Variants in ZNF385D observed in about 807,000 individuals in gnomAD.
ZNF385D encodes zinc finger protein 385D.
A neutral mutation model predicts 35.8 loss-of-function variants in ZNF385D; 15 were observed. That is an observed-to-expected ratio of 0.42 (90% CI 0.28 to 0.64). The LOEUF is 0.64. ZNF385D is among the 30% of genes least tolerant of loss of function. The pLI is 0.23. For synonymous variants in ZNF385D, 212 were observed against 186.8 expected, an observed-to-expected ratio of 1.13 and a Z score of -1.10; for missense variants, 474 against 494.6, an observed-to-expected ratio of 0.96 and a Z score of 0.39.
intron 3 of ZNF385D, among the ~76,000 whole-genome samples, chr3:22,095,712 A>T (rs896306574): frequency 6.6e-6 from 1 of 152,054 alleles, no homozygotes; most frequent in African/African-American, 2.4e-5. Context: ...TTTTAAAATA[A>T]AAGTATTCTT....
rs1360720100 is a variant in ZNF385D, at chr3:21,946,653, G to GA, written c.325+222163dup. On this transcript the variant is annotated intron_variant, in intron 3 of 5. Transcript: ENST00000494108. ...TGGAGACCAGCCTGGCTAACAAGGT[G>GA]AAACTCCGTCTCTATTAAAACTACA... Among the ~76,000 whole-genome samples, 6 of 152,032 alleles carry GA rather than the reference G, an allele frequency of 3.9e-5. 1 individual carries two copies. Among genetic ancestry groups the GA allele is most frequent in the African/African-American group, 1.4e-4 (6 of 41,382 alleles).
intron 1 of ZNF385D, among the ~76,000 whole-genome samples, chr3:21,680,478 C>T (rs2066863644): frequency 6.6e-6 from 1 of 152,082 alleles, no homozygotes. Context: ...AATAAAAAGA[C>T]ATTGGTAGAC....
intron 3 of ZNF385D, among the ~76,000 whole-genome samples, chr3:21,975,107 T>C (rs1038013323): frequency 6.6e-6 from 1 of 152,192 alleles, no homozygotes; most frequent in African/African-American, 2.4e-5. Context: ...ATTGAAGAGA[T>C]ATCTGCACTT....
At chr3:22,010,256 T>G (rs1443240138) in intron 3 of ZNF385D, among the ~76,000 whole-genome samples, 3 of 152,204 alleles carry the variant, frequency 2.0e-5, no homozygotes, top group Non-Finnish European at 4.4e-5. Context: ...AGGAGCCATT[T>G]TAGTACTTGT....
At chr3:22,293,082 T>C (rs1702385346) in intron 2 of ZNF385D, among the ~76,000 whole-genome samples, 1 of 152,134 alleles carries the variant, frequency 6.6e-6, no homozygotes, top group Admixed American at 6.6e-5. Context: ...ATGCTGAACA[T>C]TACTGTCTTA....
intron 2 of ZNF385D, among the ~76,000 whole-genome samples, chr3:22,231,363 A>AG (rs1698878461): frequency 6.6e-6 from 1 of 152,018 alleles, no homozygotes. Flanking sequence ...AGTGAGAGAG[A>AG]GAAAAAAAAA....
chr3:21,944,421 C>T (rs1426669760), intron 3 of ZNF385D, among the ~76,000 whole-genome samples: 6 of 152,228 alleles, frequency 3.9e-5, no homozygotes, highest in East Asian at 3.9e-4. Context: ...CAACTTTGTC[C>T]GAGCACCAAT....
At chr3:22,004,649 C>A (rs1696083820) in intron 3 of ZNF385D, among the ~76,000 whole-genome samples, 1 of 152,128 alleles carries the variant, frequency 6.6e-6, no homozygotes, top group African/African-American at 2.4e-5. Context: ...ACCTCCCTCA[C>A]AAGGAATTTC....
At chr3:22,298,312 G>A (rs1057065252) in intron 2 of ZNF385D, among the ~76,000 whole-genome samples, 1 of 150,686 alleles carries the variant, frequency 6.6e-6, no homozygotes, top group African/African-American at 2.4e-5. Flanking sequence ...AAAACAAAGT[G>A]AGGATGGGAG....
intron 2 of ZNF385D, among the ~76,000 whole-genome samples, chr3:22,184,412 C>T (rs766628226): frequency 1.3e-5 from 2 of 152,146 alleles, no homozygotes; most frequent in African/African-American, 2.4e-5. Flanking sequence ...ATTTTCCTCT[C>T]ATTGTGGCAG....
chr3:21,582,605 A>C (rs533248763), intron 2 of ZNF385D, among the ~76,000 whole-genome samples: 2 of 152,212 alleles, frequency 1.3e-5, no homozygotes, highest in Admixed American at 6.6e-5. Context: ...AGTTGTGGAG[A>C]TAAAGGAAGG....
chr3:21,982,360 C>A (rs939740626), intron 3 of ZNF385D, among the ~76,000 whole-genome samples: 1 of 151,910 alleles, frequency 6.6e-6, no homozygotes, highest in Admixed American at 6.6e-5. Context: ...AGTAGAATCG[C>A]CTTTCTGATT....
chr3:22,253,171 A>C (rs1488974003), intron 2 of ZNF385D, among the ~76,000 whole-genome samples: 1 of 152,024 alleles, frequency 6.6e-6, no homozygotes, highest in Admixed American at 6.6e-5. Context: ...ACACCAAACG[A>C]AATCACATTG....
intron 1 of ZNF385D, among the ~76,000 whole-genome samples, chr3:21,726,480 T>A (rs1373295715): frequency 1.3e-5 from 2 of 152,116 alleles, no homozygotes; most frequent in Non-Finnish European, 2.9e-5. Context: ...TTCAGCAAAA[T>A]CTCAGGATAC....
chr3:21,971,891 G>T (rs1703283292), intron 3 of ZNF385D, among the ~76,000 whole-genome samples: 1 of 151,754 alleles, frequency 6.6e-6, no homozygotes, highest in Admixed American at 6.6e-5. Flanking sequence ...ATGATAAAGG[G>T]ATGAATAAGG....
At chr3:22,194,074 C>T (rs923256546) in intron 2 of ZNF385D, among the ~76,000 whole-genome samples, 1 of 151,848 alleles carries the variant, frequency 6.6e-6, no homozygotes, top group African/African-American at 2.4e-5. Flanking sequence ...CTTTATGCAA[C>T]TTATACTACC....
At chr3:21,547,079 C>G (rs768746066) in intron 3 of ZNF385D, among the ~76,000 whole-genome samples, 4 of 152,090 alleles carry the variant, frequency 2.6e-5, no homozygotes, top group African/African-American at 9.7e-5. Context: ...AACCCTGGGA[C>G]TCCTTTGAAA....
At chr3:22,321,490 C>G (rs547438745) in intron 2 of ZNF385D, among the ~76,000 whole-genome samples, 1 of 151,972 alleles carries the variant, frequency 6.6e-6, no homozygotes, top group Non-Finnish European at 1.5e-5. Flanking sequence ...CTCAGCCTCT[C>G]GAGTAGCTGG....
intron 4 of ZNF385D, among the ~76,000 whole-genome samples, chr3:21,505,818 T>C (rs929515095): frequency 2.0e-5 from 3 of 152,188 alleles, no homozygotes; most frequent in Non-Finnish European, 4.4e-5. Flanking sequence ...ATGGGTCATA[T>C]GTAACATGAA....
Sources: allele counts gnomAD v4.1 joint callset (sites outside exome capture counted in the v4.1 genomes callset), GRCh38; gene constraint gnomAD v4.1.1; transcripts MANE v1.5; gene names NCBI Gene and HGNC (gene_info 2026-07-23, HGNC 2026-07-21).